Variants in QRICH1 observed in about 807,000 individuals in gnomAD.
QRICH1 encodes transcriptional regulator QRICH1.
In QRICH1, 16 loss-of-function variants were observed where a neutral mutation model predicts 87.1. The ratio of observed to expected loss-of-function variants is 0.18; its 90% CI spans 0.12 to 0.28. The LOEUF is 0.28. QRICH1 is among the 10% of genes least tolerant of loss of function. The pLI is 1.00. For missense variants in QRICH1, 647 were observed against 951.7 expected, an observed-to-expected ratio of 0.68 and a Z score of 4.21; for synonymous variants, 367 against 368.4, an observed-to-expected ratio of 1.00 and a Z score of 0.05.
intron 1 of QRICH1, among the ~76,000 whole-genome samples, chr3:49,086,261 CTTTTTT>C (rs1194960962): frequency 3.5e-5 from 5 of 141,872 alleles, no homozygotes; most frequent in South Asian, 4.5e-4. Context: ...TTTTCTTTTT[CTTTTTT>C]TTTTTTTGAG....
chr3:49,042,466 C>T lies in QRICH1; in HGVS notation c.1786+1924G>A, dbSNP rs568007874. Among the ~76,000 whole-genome samples, 5 of 152,124 alleles carry T rather than the reference C, an allele frequency of 3.3e-5. No individual in the cohort carries two copies. The East Asian group carries it at 5.8e-4, about 18-fold the overall frequency. ...GAACAAATCTGAAAAGGCCACATGC[C>T]GAATTATTCCAACTATATGACATTC... is the stretch of plus-strand genomic sequence containing the variant. On this transcript the variant is annotated intron_variant, in intron 6 of 9. Transcript: ENST00000395443.
chr3:49,042,129 C>T (rs1324704068), intron 6 of QRICH1, among the ~76,000 whole-genome samples: 2 of 146,372 alleles, frequency 1.4e-5, no homozygotes, highest in African/African-American at 5.1e-5. Flanking sequence ...CAGACTCTTG[C>T]TCTTGTCGCC....
In QRICH1 at chr3:49,033,306, A is replaced by G; in HGVS notation, c.1787-78T>C. On this transcript the variant is annotated intron_variant, in intron 6 of 9. Coordinates refer to ENST00000395443, the MANE Select transcript of QRICH1 (RefSeq NM_198880.3). ...AGGTACAATATGGGATGTGTGAAGCATAAGGACCACACAGGAGTATAAATT... is the reference window on the plus strand; with the variant it reads ...AGGTACAATATGGGATGTGTGAAGCGTAAGGACCACACAGGAGTATAAATT... 7 of 860,074 alleles carry G rather than the reference A, an allele frequency of 8.1e-6. No homozygotes were observed. The South Asian group carries it at 1.0e-4, about 13-fold the overall frequency. 53.3% of individuals were successfully genotyped at this position (860,074 alleles called of 1,614,324 possible).
chr3:49,091,114 T>C (rs1411249517), intron 1 of QRICH1, among the ~76,000 whole-genome samples: 1 of 152,042 alleles, frequency 6.6e-6, no homozygotes, highest in Non-Finnish European at 1.5e-5. Context: ...TCCCAGCTAC[T>C]CCGGAGGCTG....
chr3:49,058,470 CAT>C (rs1275761655), intron 2 of QRICH1, among the ~76,000 whole-genome samples: 9 of 151,986 alleles, frequency 5.9e-5, no homozygotes, highest in Non-Finnish European at 1.2e-4. Context: ...GGATTATAGA[CAT>C]GTGCCACCAT....
chr3:49,052,087 G>C (rs1446931534), intron 3 of QRICH1, among the ~76,000 whole-genome samples: 1 of 152,168 alleles, frequency 6.6e-6, no homozygotes, highest in African/African-American at 2.4e-5. Context: ...AGAATAAATT[G>C]AAGAACAAGA....
Position 49,057,696 on chromosome 3 carries a change from C to T in QRICH1, c.504G>A (p.Gln168=), listed in dbSNP as rs371396126. ...CTGCTTGCACGTGCTGCACCTGGAT[C>T]TGAGCTGCTTGCAGCTGCGAGGGAC... ...SPSPSQLQAA[Q]IQVQHVQAAQ... The change falls in exon 3 of 10, where the codon CAG becomes CAA. Residue 168 remains glutamine (Q), a synonymous_variant. Transcript: ENST00000395443. The surrounding 1 kb of genome is among the most constrained non-coding windows in gnomAD (Gnocchi z 5.4). 3.1e-6 allele frequency: 5 copies of T among 1,614,098 alleles called. No individual in the cohort carries two copies. The highest frequency in any genetic ancestry group is 4.2e-6 in the Non-Finnish European group (5 of 1,180,058).
chr3:49,088,170 C>G lies in QRICH1; in HGVS notation c.-22+5742G>C, dbSNP rs190122615. 6.0e-3 allele frequency among the ~76,000 whole-genome samples: 919 copies of G among 152,100 alleles called. 10 individuals are homozygous for G. The highest frequency in any genetic ancestry group is 0.021 in the African/African-American group (857 of 41,518). ...AAGTTTCACCGTGCTAGCCAGGATG[C>G]TCTCGATCTCCTGACCTCATGATCT... On this transcript the variant is annotated intron_variant, in intron 1 of 9. Transcript: ENST00000395443.
intron 6 of QRICH1, among the ~76,000 whole-genome samples, chr3:49,041,116 T>C (rs915518583): frequency 3.1e-4 from 47 of 152,106 alleles, no homozygotes; most frequent in Admixed American, 2.0e-4. Flanking sequence ...TACAGGCACG[T>C]GCCACCACAC....
chr3:49,079,437 A>G (rs981219708), intron 1 of QRICH1, among the ~76,000 whole-genome samples: 5 of 147,988 alleles, frequency 3.4e-5, no homozygotes, highest in East Asian at 2.0e-4. Flanking sequence ...AAAATATTAT[A>G]ATAATTACAA....
At chr3:49,076,438 C>G (rs760557291) in intron 2 of QRICH1, among the ~76,000 whole-genome samples, 10 of 151,924 alleles carry the variant, frequency 6.6e-5, no homozygotes, top group Non-Finnish European at 1.3e-4. Flanking sequence ...ATAGATGACC[C>G]GCTTCTGGGT....
chr3:49,093,715 A>C, intron 1 of QRICH1, 197 bp downstream of exon 1: 4 of 244,876 alleles, frequency 1.6e-5, no homozygotes, highest in Non-Finnish European at 1.6e-5. Flanking sequence ...GCGCCCACCC[A>C]AATCCCCGGG....
At chr3:49,077,445 T>C (rs2041971936) in intron 1 of QRICH1, among the ~76,000 whole-genome samples, 1 of 152,178 alleles carries the variant, frequency 6.6e-6, no homozygotes, top group South Asian at 2.1e-4. Flanking sequence ...GGGATTCCTA[T>C]GGATATGTTT....
chr3:49,058,556 C>T (rs950231266), intron 2 of QRICH1, among the ~76,000 whole-genome samples: 1 of 152,114 alleles, frequency 6.6e-6, no homozygotes, highest in Admixed American at 6.6e-5. Flanking sequence ...GAACTCCTGA[C>T]CTCAACTGGT....
chr3:49,046,966 T>C (rs1271955048), intron 4 of QRICH1, 103 bp downstream of exon 4: 14 of 1,333,414 alleles, frequency 1.0e-5, no homozygotes, highest in African/African-American at 1.5e-5. Flanking sequence ...GTTGCTCTCT[T>C]GTCCCCAAGA....
At chr3:49,056,542 G>T (rs903892624) in intron 3 of QRICH1, among the ~76,000 whole-genome samples, 3 of 151,920 alleles carry the variant, frequency 2.0e-5, no homozygotes, top group Non-Finnish European at 2.9e-5. Context: ...CACTTGAGGT[G>T]TCCCATTCAT....
intron 1 of QRICH1, among the ~76,000 whole-genome samples, chr3:49,078,959 T>TTAAAAAAATTATAGAC (rs2042005544): frequency 6.6e-6 from 1 of 152,136 alleles, no homozygotes; most frequent in South Asian, 2.1e-4. Context: ...CCCAAAGTGC[T>TTAAAAAAATTATAGAC]GGGATTATAG....
At chr3:49,082,911 A>G (rs1227268650) in intron 1 of QRICH1, among the ~76,000 whole-genome samples, 4 of 147,440 alleles carry the variant, frequency 2.7e-5, no homozygotes, top group Non-Finnish European at 1.5e-5. Flanking sequence ...AAAAAAAAAG[A>G]AAAAAAGGCC....
At chr3:49,043,496 CAAAA>C (rs57402124) in intron 6 of QRICH1, among the ~76,000 whole-genome samples, 2 of 37,622 alleles carry the variant, frequency 5.3e-5, no homozygotes, top group Admixed American at 1.9e-4. Flanking sequence ...AACTCTGTCT[CAAAA>C]AAAAAAAAAA....
Sources: gnomAD v4.1 joint callset for allele counts (sites outside exome capture counted in the v4.1 genomes callset) on GRCh38, gnomAD v4.1.1 for gene constraint, Gnocchi (gnomAD v3.1) non-coding constraint, MANE v1.5 for transcripts, NCBI Gene and HGNC (gene_info 2026-07-23, HGNC 2026-07-21) for gene names.